The following FBXL14 variants were observed in gnomAD, a reference collection of about 807,000 sequenced individuals.
FBXL14 encodes F-box/LRR-repeat protein 14.
In FBXL14, 11 loss-of-function variants were observed where a neutral mutation model predicts 24.5. The ratio of observed to expected loss-of-function variants is 0.45; its 90% confidence interval spans 0.28 to 0.74. The LOEUF (loss-of-function observed/expected upper bound fraction) is 0.74. Among genes scored for constraint, FBXL14 ranks in the 30% least tolerant of loss-of-function variants. The pLI is 0.12. For missense variants in FBXL14, 384 were observed against 545.6 expected (o/e 0.70, Z 2.95); for synonymous variants, 294 against 240.4 (o/e 1.22, Z -2.06).
rs147211264 is a variant in FBXL14, at chr12:1,577,560, A to G, written c.1195-10750T>C. 5.2e-3 allele frequency among the ~76,000 whole-genome samples: 795 copies of G among 152,352 alleles called. 10 individuals are homozygous for G. The highest frequency in any genetic ancestry group is 0.018 in the African/African-American group (753 of 41,576). On this transcript the variant is annotated intron_variant, in intron 1 of 1. Coordinates refer to ENST00000339235, the MANE Select transcript of FBXL14 (RefSeq NM_152441.3). ...AATACAGTGATGGTCATTATCACTC[A>G]CCTGCCCCCGCCCCCAGGCTGGAGG...
intron 1 of FBXL14, among the ~76,000 whole-genome samples, chr12:1,576,043 T>C (rs2094455292): frequency 6.6e-6 from 1 of 152,222 alleles, no homozygotes; most frequent in South Asian, 2.1e-4. Context: ...TTTTTTCTGT[T>C]TACACTTAAC....
intron 1 of FBXL14, among the ~76,000 whole-genome samples, chr12:1,589,797 G>A (rs889699898): frequency 6.6e-6 from 1 of 152,154 alleles, no homozygotes; most frequent in African/African-American, 2.4e-5. Context: ...CCTCATTCAG[G>A]ATAAGGATAT....
chr12:1,593,237 C>T lies in FBXL14; in HGVS notation c.830G>A (p.Gly277Asp), dbSNP rs1334072281. The T allele has an allele frequency of 1.2e-6, 2 of 1,612,668 alleles. No individual in the cohort carries two copies. Among genetic ancestry groups the T allele is most frequent in the Non-Finnish European group, 1.7e-6 (2 of 1,180,024 alleles). Residue 277 changes from glycine to aspartate, a missense_variant, in exon 1 of 2, where the codon GGC becomes GAC. Gly to Asp is a moderately conservative substitution (Grantham distance 94). Coordinates refer to ENST00000339235, the MANE Select transcript of FBXL14 (RefSeq NM_152441.3). This position sits in a 1 kb window ranked among gnomAD's most constrained non-coding sequence, Gnocchi z 7.4. The stretch of plus-strand genomic sequence containing the variant: ...ATCCAGCCCCGAGAGGCGCAGGCTG[C>T]CCATGGCCAGATGCATGATGCCCGT... ...SDTGIMHLAM[G>D]SLRLSGLDVS...
At chr12:1,591,348 T>TTG (rs1491327193) in intron 1 of FBXL14, among the ~76,000 whole-genome samples, 2 of 1,890 alleles carry the variant, frequency 1.1e-3, no homozygotes, top group African/African-American at 1.5e-3. Context: ...AAGGCTGTTG[T>TTG]TTTTTTTTTT....
At position 1,589,153 on chromosome 12, in the gene FBXL14, C is replaced by T. The variant is rs1207343529; in HGVS notation, c.1194+3720G>A. ...CTGTAATCCCAGGACTTTGGGAGGC[C>T]GAGGTGGGCAGATCGCTTGAGCCCA... On this transcript the variant is annotated intron_variant, in intron 1 of 1. Coordinates refer to ENST00000339235, the MANE Select transcript of FBXL14 (RefSeq NM_152441.3). 6.8e-5 allele frequency among the ~76,000 whole-genome samples: 10 copies of T among 147,366 alleles called. No homozygotes were observed. The South Asian group carries it at 1.3e-3, about 19-fold the overall frequency.
intron 1 of FBXL14, 32 bp downstream of exon 1, chr12:1,592,841 A>C: frequency 1.3e-6 from 2 of 1,532,452 alleles, no homozygotes; most frequent in South Asian, 2.5e-5. Flanking sequence ...AGGGCGGGAC[A>C]AGGGGAGCTG....
chr12:1,577,346 T>G (rs1279701238), intron 1 of FBXL14, among the ~76,000 whole-genome samples: 3 of 151,622 alleles, frequency 2.0e-5, no homozygotes, highest in African/African-American at 7.3e-5. Context: ...GGGAGGGCAG[T>G]GGGGTCAGGT....
At chr12:1,584,638 G>A (rs368117453) in intron 1 of FBXL14, among the ~76,000 whole-genome samples, 1 of 152,180 alleles carries the variant, frequency 6.6e-6, no homozygotes, top group African/African-American at 2.4e-5. Flanking sequence ...TTTCTGCTTC[G>A]TACAACCGTC....
Position 1,569,689 on chromosome 12 carries a change from C to G in FBXL14, c.1195-2879G>C, listed in dbSNP as rs546194840. ...TGCTGGGATTACAGGCGTGAGCCACCGCTCCCGGCACCACTTGGTTCTTTA... is the reference window on the plus strand; with the variant it reads ...TGCTGGGATTACAGGCGTGAGCCACGGCTCCCGGCACCACTTGGTTCTTTA... On this transcript the variant is annotated intron_variant, in intron 1 of 1. Coordinates refer to ENST00000339235, the MANE Select transcript of FBXL14 (RefSeq NM_152441.3). This position sits in a 1 kb window ranked among gnomAD's most constrained non-coding sequence, Gnocchi z 4.2. Among the ~76,000 whole-genome samples the G allele has an allele frequency of 1.3e-5, 2 of 152,266 alleles. No homozygotes were observed. Among genetic ancestry groups the G allele is most frequent in the Non-Finnish European group, 2.9e-5 (2 of 68,046 alleles).
At chr12:1,576,346 T>C (rs1314938566) in intron 1 of FBXL14, among the ~76,000 whole-genome samples, 2 of 152,052 alleles carry the variant, frequency 1.3e-5, no homozygotes, top group African/African-American at 4.8e-5. Flanking sequence ...GGCCCCTCAC[T>C]CCTCCATATT....
At chr12:1,587,202 A>C (rs1356457156) in intron 1 of FBXL14, among the ~76,000 whole-genome samples, 2 of 148,298 alleles carry the variant, frequency 1.3e-5, no homozygotes, top group African/African-American at 5.0e-5. Flanking sequence ...GTGCCATTGC[A>C]CTGCAGCCTG....
At chr12:1,577,696 G>A (rs1195875410) in intron 1 of FBXL14, among the ~76,000 whole-genome samples, 1 of 152,234 alleles carries the variant, frequency 6.6e-6, no homozygotes, top group Non-Finnish European at 1.5e-5. Context: ...CACCTTAGGA[G>A]TGCAGAGACC....
chr12:1,586,182 G>GTT (rs79133793), intron 1 of FBXL14, among the ~76,000 whole-genome samples: 331 of 137,770 alleles, frequency 2.4e-3, no homozygotes, highest in Non-Finnish European at 2.5e-3. Context: ...AGCATTTGGG[G>GTT]TTTTTTTTTT....
At chr12:1,582,819 TCA>T (rs1372805788) in intron 1 of FBXL14, among the ~76,000 whole-genome samples, 6 of 152,148 alleles carry the variant, frequency 3.9e-5, no homozygotes, top group Non-Finnish European at 4.4e-5. Context: ...CCCTTCCCAC[TCA>T]CAGTTTGATT....
At chr12:1,588,774 T>A (rs2094482070) in intron 1 of FBXL14, among the ~76,000 whole-genome samples, 1 of 152,158 alleles carries the variant, frequency 6.6e-6, no homozygotes, top group Admixed American at 6.5e-5. Flanking sequence ...CTGAACCAAG[T>A]TTTTTTCTGT....
rs2094459591 is a variant in FBXL14, at chr12:1,578,206, G to C, written c.1195-11396C>G. Among the ~76,000 whole-genome samples the C allele has an allele frequency of 2.0e-5, 3 of 152,164 alleles. No individual in the cohort carries two copies. The South Asian group carries it at 6.2e-4, about 32-fold the overall frequency. On this transcript the variant is annotated intron_variant, in intron 1 of 1. Transcript: ENST00000339235. ...ATTATTTAGCTACCTCTAATAGAGA[G>C]TCTGAAAGATGATTACATTCCACAG...
At chr12:1,575,345 A>T (rs1223040307) in intron 1 of FBXL14, among the ~76,000 whole-genome samples, 1 of 152,154 alleles carries the variant, frequency 6.6e-6, no homozygotes, top group Non-Finnish European at 1.5e-5. Flanking sequence ...AATCTATCTT[A>T]TTTCTCTAAT....
At chr12:1,590,668 T>A (rs1379937003) in intron 1 of FBXL14, among the ~76,000 whole-genome samples, 1 of 152,180 alleles carries the variant, frequency 6.6e-6, no homozygotes, top group Non-Finnish European at 1.5e-5. Context: ...CAGCCTCGGC[T>A]ATTGGAAGTG....
At chr12:1,575,162 C>CG (rs2094453439) in intron 1 of FBXL14, among the ~76,000 whole-genome samples, 2 of 152,074 alleles carry the variant, frequency 1.3e-5, no homozygotes, top group Non-Finnish European at 2.9e-5. Context: ...ATAAACAAAA[C>CG]CCCAAGGGAG....
Sources: allele counts gnomAD v4.1 joint callset (sites outside exome capture counted in the v4.1 genomes callset), GRCh38; gene constraint gnomAD v4.1.1; non-coding constraint Gnocchi (gnomAD v3.1); transcripts MANE v1.5; gene names NCBI Gene and HGNC (gene_info 2026-07-23, HGNC 2026-07-21).